The following DNAH5 variants were observed in gnomAD, a reference collection of about 807,000 sequenced individuals.
DNAH5 encodes dynein axonemal heavy chain 5.
A neutral mutation model predicts 518.2 loss-of-function variants in DNAH5; 372 were observed. The observed-to-expected ratio is 0.72, with a 90% CI of 0.66 to 0.78. The LOEUF is 0.78. DNAH5 is among the 30% of genes least tolerant of loss of function. DNAH5 has a pLI of 0.00. For missense variants in DNAH5, 5,523 were observed against 5,687.0 expected, an observed-to-expected ratio of 0.97 and a Z score of 0.93; for synonymous variants, 2,039 against 2,025.9, an observed-to-expected ratio of 1.01 and a Z score of -0.17.
intron 65 of DNAH5, among the ~76,000 whole-genome samples, chr5:13,742,637 T>C (rs937400205): frequency 6.6e-6 from 1 of 152,024 alleles, no homozygotes; most frequent in African/African-American, 2.4e-5. Context: ...AAAGCAAAAA[T>C]AGTAACTAAA....
At chr5:13,953,493 A>T (rs1255818832) in intron 1 of DNAH5, among the ~76,000 whole-genome samples, 2 of 152,180 alleles carry the variant, frequency 1.3e-5, no homozygotes, top group African/African-American at 4.8e-5. Flanking sequence ...ACATAAATCA[A>T]CAGTCATTGA....
intron 47 of DNAH5, among the ~76,000 whole-genome samples, chr5:13,801,849 T>C (rs933595096): frequency 2.6e-5 from 4 of 152,062 alleles, no homozygotes; most frequent in Non-Finnish European, 2.9e-5. Context: ...TTACATACAG[T>C]TAAAAAAAAA....
At chr5:13,760,264 A>C (rs1472111626) in intron 60 of DNAH5, among the ~76,000 whole-genome samples, 1 of 152,246 alleles carries the variant, frequency 6.6e-6, no homozygotes, top group African/African-American at 2.4e-5. Flanking sequence ...AACAATTGCT[A>C]ATCAAAATCC....
chr5:13,770,316 G>A (rs1753159796), intron 56 of DNAH5, among the ~76,000 whole-genome samples: 2 of 152,124 alleles, frequency 1.3e-5, no homozygotes, highest in African/African-American at 4.8e-5. Flanking sequence ...TCACTCAGAA[G>A]GGATGGGAAG....
intron 72 of DNAH5, among the ~76,000 whole-genome samples, chr5:13,717,896 T>C (rs888037962): frequency 7.2e-5 from 11 of 152,306 alleles, no homozygotes; most frequent in Admixed American, 3.9e-4. Context: ...TTGGGGCATA[T>C]ACTTTTAACT....
intron 17 of DNAH5, 104 bp downstream of exon 17, chr5:13,890,872 T>A: frequency 7.7e-7 from 1 of 1,301,750 alleles, no homozygotes; most frequent in Non-Finnish European, 1.1e-6. Context: ...CACAGAGCAC[T>A]GCAAGTAGAG....
chr5:13,902,191 T>C (rs1774723188), intron 12 of DNAH5, 53 bp from the exon 13 acceptor site: 1 of 1,333,512 alleles, frequency 7.5e-7, no homozygotes, highest in Non-Finnish European at 1.1e-6. Flanking sequence ...ATTTACTGTT[T>C]AGCAACAAGA....
In DNAH5 at chr5:13,871,595, A is replaced by G. The variant is rs1436338480; in HGVS notation, c.3567T>C (p.Tyr1189=). 6.2e-7 allele frequency: 1 copy of G among 1,613,758 alleles called. No homozygotes were observed. Among genetic ancestry groups the G allele is most frequent in the East Asian group, 2.2e-5 (1 of 44,860 alleles). The change falls in exon 23 of 79, where the codon TAT becomes TAC. Residue 1189 remains tyrosine, a synonymous_variant. Coordinates refer to ENST00000265104, the MANE Select transcript of DNAH5 (RefSeq NM_001369.3). ...LEQEINAEPE[Y]VCVGSIALYT... The stretch of plus-strand genomic sequence containing the variant: ...ACAGAGCAATGGAACCCACACAGAC[A>G]TATTCAGGCTCAGCATTAATTTCCT...
chr5:13,841,668 A>T (rs1481053097), intron 33 of DNAH5, 24 bp downstream of exon 33: 3 of 1,563,936 alleles, frequency 1.9e-6, no homozygotes, highest in South Asian at 2.2e-5. Flanking sequence ...TACAAAACAT[A>T]CTTTCAAATT....
chr5:13,713,366 T>G (rs1227980427), intron 75 of DNAH5, among the ~76,000 whole-genome samples: 1 of 142,112 alleles, frequency 7.0e-6, no homozygotes, highest in Non-Finnish European at 1.5e-5. Flanking sequence ...TACTGACATA[T>G]ATATATACCG....
chr5:13,942,608 A>C (rs1298068116), intron 1 of DNAH5, among the ~76,000 whole-genome samples: 2 of 152,202 alleles, frequency 1.3e-5, no homozygotes, highest in Non-Finnish European at 2.9e-5. Flanking sequence ...GATCACCGTC[A>C]GTCGCTGATT....
chr5:13,931,013 C>G, intron 2 of DNAH5, 97 bp downstream of exon 2: 1 of 1,585,944 alleles, frequency 6.3e-7, no homozygotes, highest in Non-Finnish European at 8.7e-7. Context: ...ACAGGCACCT[C>G]CCTCTGGGCA....
chr5:13,725,884 C>T (rs778538588), intron 70 of DNAH5, among the ~76,000 whole-genome samples: 9 of 152,116 alleles, frequency 5.9e-5, no homozygotes, highest in Non-Finnish European at 1.2e-4. Flanking sequence ...GAACCCCTGA[C>T]CTCGTGATCC....
chr5:13,765,615 T>C (rs1752415347), intron 59 of DNAH5, among the ~76,000 whole-genome samples: 1 of 152,206 alleles, frequency 6.6e-6, no homozygotes, highest in Non-Finnish European at 1.5e-5. Flanking sequence ...TTATTCATGT[T>C]AAGTTCTATC....
In DNAH5 at chr5:13,717,370, A is replaced by T. The variant is rs1041529275; in HGVS notation, c.12650T>A (p.Phe4217Tyr). 6.2e-7 allele frequency: 1 copy of T among 1,614,060 alleles called. No homozygotes were observed. Among genetic ancestry groups the T allele is most frequent in the Middle Eastern group, 1.7e-4 (1 of 6,058 alleles). ...NIPYEFNQADFNATVQFIQNH... is the reference protein window; with the variant it reads ...NIPYEFNQADYNATVQFIQNH... The stretch of plus-strand genomic sequence containing the variant: ...TTGGATGAACTGCACAGTGGCATTA[A>T]AGTCCGCTTGGTTAAATTCGTAGGG... The change falls in exon 73 of 79, where the codon TTT becomes TAT. Residue 4217 changes from phenylalanine (F) to tyrosine (Y), a missense_variant. This residue lies in a region of DNAH5 where 5,121 missense variants were observed against 5,223.3 expected (regional missense o/e 0.98). Transcript: ENST00000265104.
At chr5:13,856,605 C>T (rs1477344826) in intron 30 of DNAH5, among the ~76,000 whole-genome samples, 1 of 152,104 alleles carries the variant, frequency 6.6e-6, no homozygotes, top group Non-Finnish European at 1.5e-5. Flanking sequence ...AACATCAATG[C>T]AAAAATCTTC....
intron 2 of DNAH5, among the ~76,000 whole-genome samples, chr5:13,929,454 A>G (rs1329852752): frequency 6.9e-6 from 1 of 145,670 alleles, no homozygotes; most frequent in African/African-American, 2.6e-5. Flanking sequence ...TGAACTGTAC[A>G]CTTAAAATGG....
chr5:13,734,259 T>TCTGGG (rs1579963580), intron 68 of DNAH5, among the ~76,000 whole-genome samples: 1 of 152,226 alleles, frequency 6.6e-6, no homozygotes, highest in East Asian at 1.9e-4. Flanking sequence ...TGCACCCTGA[T>TCTGGG]CTGGGACTTC....
Position 13,721,249 on chromosome 5 carries a change from C to T in DNAH5, c.12034-4G>A. ...AGTCCACGATGTACTTGCGGGCCTG[C>T]CAAAAACAGTATACAAGTCAGTAAA... is the stretch of plus-strand genomic sequence containing the variant. On this transcript the variant is annotated splice_polypyrimidine_tract_variant and splice_region_variant and intron_variant, in intron 70 of 78. Coordinates refer to ENST00000265104, the MANE Select transcript of DNAH5 (RefSeq NM_001369.3). The T allele has an allele frequency of 6.2e-7, 1 of 1,613,992 alleles. No homozygotes were observed. Among genetic ancestry groups the T allele is most frequent in the Non-Finnish European group, 8.5e-7 (1 of 1,179,946 alleles).
Sources: gnomAD v4.1 joint callset for allele counts (sites outside exome capture counted in the v4.1 genomes callset) on GRCh38, gnomAD v4.1.1 for gene constraint, gnomAD v4.1.1 regional missense constraint, MANE v1.5 for transcripts, NCBI Gene and HGNC (gene_info 2026-07-23, HGNC 2026-07-21) for gene names.